The following UGT1A9 variants were observed in gnomAD, a reference collection of about 807,000 sequenced individuals.
UGT1A9 encodes the protein UDP glucuronosyltransferase family 1 member A9.
A neutral mutation model predicts 45.0 loss-of-function variants in UGT1A9; 35 were observed. That is an observed-to-expected ratio of 0.78 (90% CI 0.59 to 1.03). The LOEUF (loss-of-function observed/expected upper bound fraction) is 1.03. Ranked by LOEUF, UGT1A9 falls within the 50% of genes least tolerant of loss-of-function variation. UGT1A9 has a pLI of 0.00. For missense variants in UGT1A9, 687 were observed against 666.6 expected, an observed-to-expected ratio of 1.03 and a Z score of -0.34; for synonymous variants, 278 against 250.6, an observed-to-expected ratio of 1.11 and a Z score of -1.03.
At chr2:233,721,755 T>C in intron 1 of UGT1A9, 1 of 459,594 alleles carries the variant, frequency 2.2e-6, no homozygotes, top group Non-Finnish European at 4.3e-6. Flanking sequence ...AATCTACATC[T>C]AAATTGTTAT....
At chr2:233,742,247 A>G (rs748626852) in intron 1 of UGT1A9, among the ~76,000 whole-genome samples, 6 of 152,004 alleles carry the variant, frequency 3.9e-5, no homozygotes, top group Non-Finnish European at 7.3e-5. Context: ...ATTTACCCAC[A>G]TATTTATTGA....
intron 1 of UGT1A9, chr2:233,682,259 C>G (rs201200762): frequency 1.2e-5 from 20 of 1,614,172 alleles, no homozygotes; most frequent in Middle Eastern, 1.6e-4. Flanking sequence ...TGCATTTTCT[C>G]TATTAACAAG....
intron 1 of UGT1A9, chr2:233,692,804 A>T (rs2075115525): frequency 2.1e-6 from 3 of 1,403,232 alleles, no homozygotes. Flanking sequence ...ACACGGCCAT[A>T]GTTGGTTCAT....
chr2:233,718,875 C>G, intron 1 of UGT1A9: 1 of 1,613,984 alleles, frequency 6.2e-7, no homozygotes, highest in Non-Finnish European at 8.5e-7. Context: ...ACTGCTGCTC[C>G]TCCTCAGTGT....
At position 233,693,663 on chromosome 2, in the gene UGT1A9, A is replaced by G. The variant is rs201621149; in HGVS notation, c.855+20874A>G. On this transcript the variant is annotated intron_variant, in intron 1 of 4. Transcript: ENST00000354728. The stretch of plus-strand genomic sequence containing the variant: ...TTCCTTGTTAATTTGTTGGAGCCCT[A>G]TCTATTTTATTGTCTGTTTTCAAAG... 7 of 1,614,142 alleles carry G rather than the reference A, an allele frequency of 4.3e-6. No homozygotes were observed. In the African/African-American group the frequency reaches 6.7e-5, roughly 15 times the overall value.
intron 1 of UGT1A9, among the ~76,000 whole-genome samples, chr2:233,745,990 G>A (rs1261244723): frequency 3.3e-5 from 5 of 151,696 alleles, no homozygotes; most frequent in African/African-American, 1.2e-4. Context: ...TGACAGCTGG[G>A]TCTGAGAGAC....
At position 233,691,540 on chromosome 2, in the gene UGT1A9, T is replaced by C. The variant is rs924016085; in HGVS notation, c.855+18751T>C. 7.1e-6 allele frequency: 7 copies of C among 985,598 alleles called. No individual in the cohort carries two copies. In the South Asian group the frequency reaches 3.3e-4, roughly 46 times the overall value. The allele number at this position is 985,598 out of a possible 1,614,324, so 61.1% of individuals were successfully genotyped here. ...GTGTGCATGACTAGCTCTGGGCAAG[T>C]CTGTTCTAGTAATTCAAGGTACCAC... On this transcript the variant is annotated intron_variant, in intron 1 of 4. Transcript: ENST00000354728.
chr2:233,718,433 A>G (rs571476124), intron 1 of UGT1A9, among the ~76,000 whole-genome samples: 1 of 152,326 alleles, frequency 6.6e-6, no homozygotes, highest in East Asian at 1.9e-4. Flanking sequence ...GTGGTTGGGG[A>G]CTAGGGCAAT....
In UGT1A9 at chr2:233,703,925, C is replaced by G. The variant is rs576814000; in HGVS notation, c.855+31136C>G. Among the ~76,000 whole-genome samples, 290 of 151,880 alleles carry G rather than the reference C, an allele frequency of 1.9e-3. 2 individuals carry two copies. Among genetic ancestry groups the G allele is most frequent in the African/African-American group, 6.7e-3 (277 of 41,416 alleles). ...TTTTTTTTTGAGACAAAATCTCATT[C>G]TGTTACCCAGACTGGAGTGCAGTGG... On this transcript the variant is annotated intron_variant, in intron 1 of 4. Coordinates refer to ENST00000354728, the MANE Select transcript of UGT1A9 (RefSeq NM_021027.3).
chr2:233,677,153 A>G (rs1009702326), intron 1 of UGT1A9, among the ~76,000 whole-genome samples: 1 of 152,154 alleles, frequency 6.6e-6, no homozygotes, highest in African/African-American at 2.4e-5. Flanking sequence ...CATCTTAGCA[A>G]TTTTGAGTTT....
chr2:233,720,872 T>TTG (rs71694891), intron 1 of UGT1A9, among the ~76,000 whole-genome samples: 1 of 39,450 alleles, frequency 2.5e-5, no homozygotes, highest in African/African-American at 3.2e-4. Flanking sequence ...CTCCTGGCAA[T>TTG]TTTTTTTTTT....
chr2:233,708,960 C>A (rs911786556), intron 1 of UGT1A9, among the ~76,000 whole-genome samples: 3 of 152,094 alleles, frequency 2.0e-5, no homozygotes, highest in African/African-American at 7.2e-5. Flanking sequence ...TATATGTTTC[C>A]ATTTCTTGTC....
At chr2:233,753,783 C>T (rs544247097) in intron 1 of UGT1A9, 5 of 152,330 alleles carry the variant, frequency 3.3e-5, no homozygotes, top group Non-Finnish European at 4.4e-5. Context: ...CTTTTCTTTA[C>T]ATTTCCAGGA....
At chr2:233,679,984 A>G (rs915636414) in intron 1 of UGT1A9, among the ~76,000 whole-genome samples, 1 of 152,284 alleles carries the variant, frequency 6.6e-6, no homozygotes, top group South Asian at 2.1e-4. Flanking sequence ...CAATGTCTTC[A>G]TGAATCTTTT....
At position 233,672,302 on chromosome 2, in the gene UGT1A9, A is replaced by G. The variant is rs747137534; in HGVS notation, c.368A>G (p.Asn123Ser). 6.2e-7 allele frequency: 1 copy of G among 1,613,810 alleles called. No homozygotes were observed. The highest frequency in any genetic ancestry group is 8.5e-7 in the Non-Finnish European group (1 of 1,179,904). The change falls in exon 1 of 5, where the codon AAT becomes AGT. Residue 123 changes from asparagine (N) to serine (S), a missense_variant. By Grantham distance (46) the Asn-to-Ser change is conservative (BLOSUM62 1). Transcript: ENST00000354728. ...YNDIFDLFFSNCRSLFKDKKL... is the reference protein window; with the variant it reads ...YNDIFDLFFSSCRSLFKDKKL... ...GACATTTTTGACTTATTTTTTTCAA[A>G]TTGCAGGAGTTTGTTTAAAGACAAA...
At chr2:233,748,830 A>T (rs1694040307) in intron 1 of UGT1A9, among the ~76,000 whole-genome samples, 1 of 151,290 alleles carries the variant, frequency 6.6e-6, no homozygotes, top group African/African-American at 2.5e-5. Flanking sequence ...TCTAGGGAGG[A>T]GATAAAACTG....
chr2:233,706,094 T>TAA lies in UGT1A9; in HGVS notation c.855+33313_855+33314dup, dbSNP rs141668784. On this transcript the variant is annotated intron_variant, in intron 1 of 4. Coordinates refer to ENST00000354728, the MANE Select transcript of UGT1A9 (RefSeq NM_021027.3). ...TGGGTGACAGAGCTAGATTCTGTCT[T>TAA]AAAAAAAAACCAAGAATTTCAGGAC... 1.5e-3 allele frequency among the ~76,000 whole-genome samples: 224 copies of TAA among 151,442 alleles called. 7 individuals carry two copies. The East Asian group carries it at 0.032, about 21-fold the overall frequency.
chr2:233,747,127 T>C, intron 1 of UGT1A9: 1 of 1,513,692 alleles, frequency 6.6e-7, no homozygotes, highest in South Asian at 1.2e-5. Context: ...GCTAAGTGGC[T>C]CAGTGACAAG....
chr2:233,772,592 C>A lies in UGT1A9; in HGVS notation c.*33C>A. 1.3e-6 allele frequency: 2 copies of A among 1,599,668 alleles called. No homozygotes were observed. The highest frequency in any genetic ancestry group is 1.7e-6 in the Non-Finnish European group (2 of 1,172,304). On this transcript the variant is annotated 3_prime_UTR_variant, in exon 5 of 5. Transcript: ENST00000354728. ...GTGGGAAATAAGGTAAAATTTTGAA[C>A]CATTCCCTAGTCATTTCCAAACTTG...
Sources: gnomAD v4.1 joint callset for allele counts (sites outside exome capture counted in the v4.1 genomes callset) on GRCh38, gnomAD v4.1.1 for gene constraint, MANE v1.5 for transcripts, NCBI Gene and HGNC (gene_info 2026-07-23, HGNC 2026-07-21) for gene names.